HDAC9: variants seen among roughly 807,000 people sequenced by gnomAD.
HDAC9 encodes MEF-2 interacting transcription repressor (MITR) protein.
In HDAC9, 41 loss-of-function variants were observed where a neutral mutation model predicts 139.4. That is an observed-to-expected ratio of 0.29 (90% CI 0.23 to 0.38). HDAC9 has a LOEUF of 0.38. Ranked by LOEUF, HDAC9 falls within the 10% of genes least tolerant of loss-of-function variation. The pLI, the probability that HDAC9 is intolerant of heterozygous loss-of-function variation, is 1.00. For missense variants in HDAC9, 1,147 were observed against 1,297.0 expected (o/e 0.88, Z 1.78); for synonymous variants, 517 against 476.2 (o/e 1.09, Z -1.12).
intron 12 of HDAC9, chr7:18,668,905 A>G: frequency 4.1e-6 from 4 of 982,352 alleles, no homozygotes; most frequent in Non-Finnish European, 4.8e-6. Context: ...TGAAGCTTGC[A>G]CACTAGATCT....
intron 2 of HDAC9, among the ~76,000 whole-genome samples, chr7:18,510,135 A>G (rs1801032034): frequency 6.6e-6 from 1 of 152,182 alleles, no homozygotes; most frequent in South Asian, 2.1e-4. Flanking sequence ...CCCCCAAATT[A>G]AAATTATTCA....
At chr7:18,516,944 A>G (rs1470848233) in intron 2 of HDAC9, among the ~76,000 whole-genome samples, 1 of 152,110 alleles carries the variant, frequency 6.6e-6, no homozygotes, top group African/African-American at 2.4e-5. Flanking sequence ...ATCTGGCATA[A>G]TGGTAAAAAA....
At chr7:18,405,767 A>T (rs1787946256) in intron 1 of HDAC9, among the ~76,000 whole-genome samples, 1 of 152,244 alleles carries the variant, frequency 6.6e-6, no homozygotes, top group South Asian at 2.1e-4. Flanking sequence ...AGTTCAGATA[A>T]TAATTTGCCA....
chr7:18,638,471 T>G (rs1446648468), intron 8 of HDAC9, among the ~76,000 whole-genome samples: 1 of 152,092 alleles, frequency 6.6e-6, no homozygotes. Context: ...AGACTCAGCC[T>G]GAACCTGGCT....
At position 18,666,416 on chromosome 7, in the gene HDAC9, T is replaced by G. The variant is rs935377604; in HGVS notation, c.1671T>G (p.Ser557Arg). 6.8e-6 allele frequency: 11 copies of G among 1,612,600 alleles called. No individual in the cohort carries two copies. Among genetic ancestry groups the G allele is most frequent in the South Asian group, 1.1e-5 (1 of 91,056 alleles). ...AGGTCAAGGAGGAACCAGTGGACAG[T>G]GATGAAGATGCTCAGATCCAGGAAA... is the stretch of plus-strand genomic sequence containing the variant. The part of the protein sequence containing the change: ...AVKVKEEPVD[S>R]DEDAQIQEME... Residue 557 changes from serine (S) to arginine (R), a missense_variant, in exon 12 of 26, where the codon AGT (serine) becomes AGG (arginine). Around this residue, in one of 7 missense-constraint regions of HDAC9, gnomAD observed 256 missense variants for 219.2 expected, o/e 1.17. Coordinates refer to ENST00000686413, the MANE Select transcript of HDAC9 (RefSeq NM_178425.4).
intron 1 of HDAC9, among the ~76,000 whole-genome samples, chr7:18,103,484 A>G (rs1359246595): frequency 6.6e-6 from 1 of 152,122 alleles, no homozygotes; most frequent in Non-Finnish European, 1.5e-5. Context: ...CCTTTGCGCC[A>G]TCTCTCTGGC....
chr7:18,671,788 A>G (rs1358844364), intron 12 of HDAC9, among the ~76,000 whole-genome samples: 2 of 151,888 alleles, frequency 1.3e-5, no homozygotes, highest in African/African-American at 2.4e-5. Context: ...GGATTTGCCT[A>G]TTGTGGATAT....
At chr7:18,788,900 T>C (rs1431969535) in intron 16 of HDAC9, among the ~76,000 whole-genome samples, 1 of 152,182 alleles carries the variant, frequency 6.6e-6, no homozygotes, top group Admixed American at 6.5e-5. Flanking sequence ...TGAGTCCAGC[T>C]TTCTGCAGTC....
chr7:18,996,079 C>CTGATATTTCCTGTGTG lies in HDAC9; in HGVS notation c.*21_*36dup. On this transcript the variant is annotated 3_prime_UTR_variant, in exon 26 of 26. Transcript: ENST00000686413. ...GCCTTGTGAAGTGCCAAGTCCCCCTCTGATATTTCCTGTGTGTGACATCAT... is the reference window on the plus strand; with the variant it reads ...GCCTTGTGAAGTGCCAAGTCCCCCTCTGATATTTCCTGTGTGTGATATTTCCTGTGTGTGACATCAT... 6.3e-7 allele frequency: 1 copy of CTGATATTTCCTGTGTG among 1,587,952 alleles called. No homozygotes were observed. The highest frequency in any genetic ancestry group is 8.6e-7 in the Non-Finnish European group (1 of 1,162,190).
upstream of HDAC9, among the ~76,000 whole-genome samples, chr7:18,492,298 TA>T (rs1333917813): frequency 6.6e-6 from 1 of 152,010 alleles, no homozygotes; most frequent in Non-Finnish European, 1.5e-5. Context: ...GATTGTGATC[TA>T]AATCCATTTT....
At chr7:18,498,414 C>T (rs901827136) in intron 2 of HDAC9, among the ~76,000 whole-genome samples, 3 of 152,060 alleles carry the variant, frequency 2.0e-5, no homozygotes, top group Non-Finnish European at 4.4e-5. Flanking sequence ...CCACCTTAAC[C>T]TTCAGCAAAC....
chr7:18,490,249 A>T (rs1015951422), intron 1 of HDAC9, among the ~76,000 whole-genome samples: 4 of 152,052 alleles, frequency 2.6e-5, no homozygotes, highest in South Asian at 2.1e-4. Context: ...GATTCCTTCC[A>T]GAGATTCTGA....
chr7:18,751,889 A>T (rs1364829135), intron 14 of HDAC9, among the ~76,000 whole-genome samples: 1 of 152,108 alleles, frequency 6.6e-6, no homozygotes, highest in Non-Finnish European at 1.5e-5. Flanking sequence ...CACAGAGATT[A>T]TTCCAAACCA....
chr7:18,276,637 G>A (rs1584964835), intron 2 of HDAC9, among the ~76,000 whole-genome samples: 1 of 152,164 alleles, frequency 6.6e-6, no homozygotes, highest in African/African-American at 2.4e-5. Context: ...AGAGGGCATA[G>A]GCTTTAATAA....
At chr7:18,266,963 GA>G (rs5882652) in intron 2 of HDAC9, among the ~76,000 whole-genome samples, 117,429 of 151,656 alleles carry the variant, frequency 0.77, 45,606 homozygotes, top group South Asian at 0.86. Context: ...TTCAAACTGA[GA>G]AAAAAAAATT....
chr7:18,196,884 C>G (rs1528683), intron 2 of HDAC9, among the ~76,000 whole-genome samples: 12,441 of 152,094 alleles, frequency 0.082, 631 homozygotes, highest in East Asian at 0.21. Flanking sequence ...CTTGTGTCAA[C>G]TGGAGTGGGC....
chr7:18,853,333 G>A (rs1797440433), intron 21 of HDAC9, among the ~76,000 whole-genome samples: 2 of 152,040 alleles, frequency 1.3e-5, no homozygotes, highest in African/African-American at 4.8e-5. Flanking sequence ...GTGACCCTGG[G>A]GAGGGTTAAA....
At chr7:18,557,191 T>C (rs1281211409) in intron 2 of HDAC9, among the ~76,000 whole-genome samples, 3 of 152,068 alleles carry the variant, frequency 2.0e-5, no homozygotes, top group Non-Finnish European at 1.5e-5. Flanking sequence ...GAAGACGCTC[T>C]TTTGGAGTTC....
rs76687651 is a variant in HDAC9 at position 18,471,781 on chromosome 7, G to C, written c.-41-24481G>C. 1.8e-3 allele frequency among the ~76,000 whole-genome samples: 274 copies of C among 152,270 alleles called. 11 individuals carry two copies. The East Asian group carries it at 0.042, about 23-fold the overall frequency. On this transcript the variant is annotated intron_variant, in intron 1 of 3. Coordinates refer to the HDAC9 transcript ENST00000413509. ...TTTAATTTCTTGGCTGGTGGGTCAG[G>C]GGGACCATTATGTAACCATCCTTGT...
Sources: allele counts gnomAD v4.1 joint callset (sites outside exome capture counted in the v4.1 genomes callset), GRCh38; gene constraint gnomAD v4.1.1; regional missense constraint gnomAD v4.1.1; transcripts MANE v1.5; gene names NCBI Gene and HGNC (gene_info 2026-07-23, HGNC 2026-07-21).